Variants in DLGAP1 observed in about 807,000 individuals in gnomAD.
The protein encoded by DLGAP1 is DLG associated protein 1.
DLGAP1 carries 11 observed loss-of-function variants against 90.8 expected under a neutral mutation model. The observed-to-expected ratio is 0.12, with a 90% CI of 0.08 to 0.20. The LOEUF (loss-of-function observed/expected upper bound fraction) is 0.20. Ranked by LOEUF, DLGAP1 falls within the 10% of genes least tolerant of loss-of-function variation. DLGAP1 has a pLI of 1.00. For missense variants in DLGAP1, 1,050 were observed against 1,333.8 expected, an observed-to-expected ratio of 0.79 and a Z score of 3.31; for synonymous variants, 558 against 540.7, an observed-to-expected ratio of 1.03 and a Z score of -0.44.
intron 1 of DLGAP1, among the ~76,000 whole-genome samples, chr18:4,257,915 C>A (rs1379305978): frequency 2.0e-5 from 3 of 151,680 alleles, no homozygotes; most frequent in Non-Finnish European, 4.4e-5. Flanking sequence ...GTGAGCTACT[C>A]CGCCCGGCCC....
At chr18:4,408,851 T>C (rs2082716814) in intron 1 of DLGAP1, among the ~76,000 whole-genome samples, 1 of 152,136 alleles carries the variant, frequency 6.6e-6, no homozygotes, top group Non-Finnish European at 1.5e-5. Flanking sequence ...TATATCACTG[T>C]CAAATAAGAA....
At chr18:3,915,295 T>C (rs1302569411) in intron 3 of DLGAP1, among the ~76,000 whole-genome samples, 2 of 152,200 alleles carry the variant, frequency 1.3e-5, no homozygotes, top group Non-Finnish European at 2.9e-5. Flanking sequence ...TAAGCTCAGC[T>C]GTGACAATTA....
At chr18:4,264,511 A>G (rs1369033828) in intron 1 of DLGAP1, 2 of 152,228 alleles carry the variant, frequency 1.3e-5, no homozygotes, top group Non-Finnish European at 2.9e-5. Flanking sequence ...ACTGACCTTC[A>G]ACTCTACACT....
chr18:3,764,172 C>G (rs2064108531), intron 5 of DLGAP1, among the ~76,000 whole-genome samples: 1 of 152,164 alleles, frequency 6.6e-6, no homozygotes, highest in African/African-American at 2.4e-5. Flanking sequence ...TATTATTATA[C>G]CTATTTTCAA....
intron 3 of DLGAP1, among the ~76,000 whole-genome samples, chr18:3,883,572 A>G (rs2071235499): frequency 6.6e-6 from 1 of 152,254 alleles, no homozygotes; most frequent in Non-Finnish European, 1.5e-5. Flanking sequence ...GCAAAGTGCT[A>G]TCCTAGTGGA....
intron 1 of DLGAP1, among the ~76,000 whole-genome samples, chr18:4,234,833 T>C (rs1361557960): frequency 2.0e-5 from 3 of 152,178 alleles, no homozygotes; most frequent in Non-Finnish European, 4.4e-5. Context: ...TTTCCTGTTT[T>C]ACTTATTCAC....
At position 3,747,291 on chromosome 18, in the gene DLGAP1, AT is replaced by A. The variant is rs368585196; in HGVS notation, c.1173-4780del. 7.2e-5 allele frequency among the ~76,000 whole-genome samples: 11 copies of A among 152,274 alleles called. No homozygotes were observed. In the South Asian group the frequency reaches 1.9e-3, roughly 26 times the overall value. ...AAATAGTTTGCCAGGTCAAGGTAAT[AT>A]TTTCCATGTGTTACGTGCTATTATG... On this transcript the variant is annotated intron_variant, in intron 5 of 12. Coordinates refer to ENST00000315677, the MANE Select transcript of DLGAP1 (RefSeq NM_004746.4).
chr18:4,219,027 G>GTTT (rs34333673), intron 1 of DLGAP1, among the ~76,000 whole-genome samples: 88 of 92,018 alleles, frequency 9.6e-4, no homozygotes, highest in African/African-American at 3.3e-3. Context: ...TTCTATCTTT[G>GTTT]TTTTTTTTTT....
At chr18:3,556,541 A>C (rs1464821147) in intron 9 of DLGAP1, among the ~76,000 whole-genome samples, 1 of 152,202 alleles carries the variant, frequency 6.6e-6, no homozygotes, top group Non-Finnish European at 1.5e-5. Context: ...TGTTTCACTT[A>C]GTAATAATAC....
Position 4,166,372 on chromosome 18 carries a change from A to C in DLGAP1, c.-266-15085T>G, listed in dbSNP as rs137996668. On this transcript the variant is annotated intron_variant, in intron 1 of 12. Coordinates refer to ENST00000315677, the MANE Select transcript of DLGAP1 (RefSeq NM_004746.4). ...CTGTTATAAAATATATATATATAAG[A>C]TTATGAGTGTTGACAAGGATGTGAA... is the stretch of plus-strand genomic sequence containing the variant. 9.4e-4 allele frequency among the ~76,000 whole-genome samples: 143 copies of C among 152,312 alleles called. 2 individuals are homozygous for C. In the East Asian group the frequency reaches 0.024, roughly 25 times the overall value.
rs180957043 is a variant in DLGAP1, at chr18:3,922,222, G to C, written c.-72-42082C>G. 8.3e-4 allele frequency among the ~76,000 whole-genome samples: 126 copies of C among 152,248 alleles called. 3 individuals carry two copies. In the South Asian group the frequency reaches 0.017, roughly 21 times the overall value. On this transcript the variant is annotated intron_variant, in intron 3 of 12. Coordinates refer to ENST00000315677, the MANE Select transcript of DLGAP1 (RefSeq NM_004746.4). ...TTGCTGCAGTTAAGGGTCCAAAAAA[G>C]CTTCGTTTTAGTTAAATAAATAATA...
Position 4,264,697 on chromosome 18 carries a change from A to G in DLGAP1, c.-266-113410T>C, listed in dbSNP as rs2079069573. ...GGAATTACACAGCGAAATGCAGGCTAATCAGCTAAATCTAGATTAAATATG... is the reference window on the plus strand; with the variant it reads ...GGAATTACACAGCGAAATGCAGGCTGATCAGCTAAATCTAGATTAAATATG... On this transcript the variant is annotated intron_variant, in intron 1 of 12. Coordinates refer to ENST00000315677, the MANE Select transcript of DLGAP1 (RefSeq NM_004746.4). 3.9e-5 allele frequency: 6 copies of G among 152,196 alleles called. No individual in the cohort carries two copies. In the South Asian group the frequency reaches 1.2e-3, roughly 32 times the overall value. The allele number at this position is 152,196 out of a possible 1,614,324, so 9.4% of individuals were successfully genotyped here.
At chr18:4,042,290 C>T (rs2074986824) in intron 2 of DLGAP1, among the ~76,000 whole-genome samples, 1 of 152,116 alleles carries the variant, frequency 6.6e-6, no homozygotes, top group Admixed American at 6.5e-5. Flanking sequence ...TTTTTCATTC[C>T]CCATCAAATG....
chr18:4,034,838 A>G (rs192318653), intron 2 of DLGAP1, among the ~76,000 whole-genome samples: 101 of 152,312 alleles, frequency 6.6e-4, no homozygotes, highest in African/African-American at 2.2e-3. Context: ...CAGTCATAGT[A>G]AACTTTCAAA....
rs1321895459 is a variant in DLGAP1, at chr18:4,084,924, C to G, written c.-159+66256G>C. Among the ~76,000 whole-genome samples the G allele has an allele frequency of 6.7e-6, 1 of 150,018 alleles. No homozygotes were observed. The highest frequency in any genetic ancestry group is 1.5e-5 in the Non-Finnish European group (1 of 67,602). On this transcript the variant is annotated intron_variant, in intron 2 of 12. Coordinates refer to ENST00000315677, the MANE Select transcript of DLGAP1 (RefSeq NM_004746.4). This position sits in a 1 kb window ranked among gnomAD's most constrained non-coding sequence, Gnocchi z 4.0. ...TAAGTTTTGTTGTTTATGATTGACT[C>G]TAAATCAAAGAGAGCATGCTGCAAG...
chr18:4,108,940 T>A (rs1193322616), intron 2 of DLGAP1, among the ~76,000 whole-genome samples: 1 of 152,188 alleles, frequency 6.6e-6, no homozygotes, highest in African/African-American at 2.4e-5. Flanking sequence ...TCTTACAGTA[T>A]AAAATTGTAT....
chr18:4,161,899 A>T (rs922413452), intron 1 of DLGAP1, among the ~76,000 whole-genome samples: 5 of 152,226 alleles, frequency 3.3e-5, no homozygotes, highest in Non-Finnish European at 7.3e-5. Flanking sequence ...GGCACACCTA[A>T]GATGACACAG....
intron 7 of DLGAP1, among the ~76,000 whole-genome samples, chr18:3,700,773 C>T (rs1366363678): frequency 6.6e-6 from 1 of 152,008 alleles, no homozygotes; most frequent in Non-Finnish European, 1.5e-5. Flanking sequence ...CCACGCCCGG[C>T]TAATTTTTTG....
chr18:3,797,325 GAA>G (rs746881430), intron 5 of DLGAP1, among the ~76,000 whole-genome samples: 4 of 132,908 alleles, frequency 3.0e-5, no homozygotes, highest in Non-Finnish European at 4.9e-5. Context: ...ACTGTCTCAG[GAA>G]AAAAAAAAAA....
Sources: allele counts gnomAD v4.1 joint callset (sites outside exome capture counted in the v4.1 genomes callset), GRCh38; gene constraint gnomAD v4.1.1; non-coding constraint Gnocchi (gnomAD v3.1); transcripts MANE v1.5; gene names NCBI Gene and HGNC (gene_info 2026-07-23, HGNC 2026-07-21).